Variants in NRXN3 observed in about 807,000 individuals in gnomAD.
NRXN3 encodes neurexin 3, also known as neurexin III.
Under a neutral mutation model 137.6 loss-of-function variants are expected in NRXN3, and 32 were observed. The observed-to-expected ratio is 0.23, with a 90% CI of 0.18 to 0.31. The LOEUF (loss-of-function observed/expected upper bound fraction) is 0.31. Ranked by LOEUF, NRXN3 falls within the 10% of genes least tolerant of loss-of-function variation. The probability of loss-of-function intolerance (pLI) is 1.00; values close to 1 mark genes in which losing one functional copy is unlikely to be tolerated. For synonymous variants in NRXN3, 798 were observed against 784.5 expected, an observed-to-expected ratio of 1.02 and a Z score of -0.29; for missense variants, 1,574 against 2,062.5, an observed-to-expected ratio of 0.76 and a Z score of 4.59.
intron 19 of NRXN3, among the ~76,000 whole-genome samples, chr14:79,755,837 T>C (rs2099017555): frequency 6.6e-6 from 1 of 152,172 alleles, no homozygotes; most frequent in East Asian, 1.9e-4. Context: ...TAAACCTTTT[T>C]TCTAAGCAAA....
chr14:78,526,673 T>C (rs2096384489), intron 4 of NRXN3: 1 of 481,356 alleles, frequency 2.1e-6, no homozygotes. Context: ...TGCTTACTTG[T>C]GCACCGTGCA....
intron 20 of NRXN3, among the ~76,000 whole-genome samples, chr14:79,854,882 C>G (rs1332683711): frequency 6.6e-6 from 1 of 152,136 alleles, no homozygotes; most frequent in Non-Finnish European, 1.5e-5. Context: ...GCTACAAAAT[C>G]AATTATACTG....
intron 10 of NRXN3, among the ~76,000 whole-genome samples, chr14:78,912,001 T>G (rs141262291): frequency 0.014 from 2,057 of 151,818 alleles, 53 homozygotes; most frequent in African/African-American, 0.047. Context: ...ACATGTGCCA[T>G]GTTGGTGTGC....
chr14:78,462,502 C>T (rs2094951655), intron 4 of NRXN3, among the ~76,000 whole-genome samples: 1 of 152,136 alleles, frequency 6.6e-6, no homozygotes, highest in Middle Eastern at 3.2e-3. Flanking sequence ...GAGGAAAGAC[C>T]TTCTCTCTTC....
At chr14:79,446,629 C>T (rs1396650139) in intron 15 of NRXN3, among the ~76,000 whole-genome samples, 1 of 151,962 alleles carries the variant, frequency 6.6e-6, no homozygotes, top group Non-Finnish European at 1.5e-5. Context: ...CCTCCCTGCC[C>T]CCTCCCTGTC....
intron 19 of NRXN3, among the ~76,000 whole-genome samples, chr14:79,780,816 G>A (rs983180025): frequency 2.3e-4 from 35 of 152,030 alleles, no homozygotes; most frequent in South Asian, 4.2e-4. Flanking sequence ...AACTACCATC[G>A]TAGTTACTAG....
intron 19 of NRXN3, among the ~76,000 whole-genome samples, chr14:79,729,982 G>C (rs988238167): frequency 7.2e-5 from 11 of 152,148 alleles, no homozygotes; most frequent in African/African-American, 2.7e-4. Flanking sequence ...TGGGTAGTCA[G>C]AGAAGCACTT....
rs1365361803 is a variant in NRXN3 at position 78,837,152 on chromosome 14, T to G, written c.2275+26808T>G. Among the ~76,000 whole-genome samples the G allele has an allele frequency of 2.0e-5, 3 of 152,212 alleles. No individual in the cohort carries two copies. The East Asian group carries it at 5.8e-4, about 29-fold the overall frequency. On this transcript the variant is annotated intron_variant, in intron 10 of 20. Transcript: ENST00000335750. ...TTGTGAATGCACCTCTATCGAGCCC[T>G]ATTCAGAATGCTTGATTTGCAATAG... is the stretch of plus-strand genomic sequence containing the variant.
intron 20 of NRXN3, among the ~76,000 whole-genome samples, chr14:79,818,000 G>T (rs1245422751): frequency 6.6e-6 from 1 of 151,638 alleles, no homozygotes; most frequent in South Asian, 2.1e-4. Flanking sequence ...ACTTATGTGA[G>T]GTGAGTCTCC....
intron 2 of NRXN3, among the ~76,000 whole-genome samples, chr14:78,264,639 A>T (rs955082489): frequency 6.6e-6 from 1 of 152,130 alleles, no homozygotes; most frequent in East Asian, 1.9e-4. Context: ...TCTTGTGTGG[A>T]TATGTGTGAG....
At chr14:79,006,856 T>G (rs1377757232) in intron 15 of NRXN3, among the ~76,000 whole-genome samples, 1 of 152,166 alleles carries the variant, frequency 6.6e-6, no homozygotes, top group African/African-American at 2.4e-5. Context: ...CTGATGTAGA[T>G]AAAATTCCAT....
chr14:78,828,104 A>G (rs977643451), intron 10 of NRXN3, among the ~76,000 whole-genome samples: 2 of 152,136 alleles, frequency 1.3e-5, no homozygotes, highest in African/African-American at 4.8e-5. Flanking sequence ...CCATAGTTTT[A>G]TGTGATTACA....
chr14:78,569,656 T>C (rs750062213), intron 4 of NRXN3, among the ~76,000 whole-genome samples: 2 of 152,104 alleles, frequency 1.3e-5, no homozygotes, highest in Non-Finnish European at 2.9e-5. Context: ...CTCCACCTTC[T>C]GGGTTCAAGC....
chr14:78,593,147 C>T (rs539040808), intron 4 of NRXN3, among the ~76,000 whole-genome samples: 1 of 152,296 alleles, frequency 6.6e-6, no homozygotes, highest in South Asian at 2.1e-4. Context: ...TCTGTGGAGC[C>T]ATTATTGCTG....
chr14:78,653,992 C>A (rs1247920173), intron 6 of NRXN3, among the ~76,000 whole-genome samples: 2 of 152,228 alleles, frequency 1.3e-5, no homozygotes, highest in African/African-American at 4.8e-5. Flanking sequence ...TAAACTCCTG[C>A]CCCGTCTGTT....
intron 8 of NRXN3, among the ~76,000 whole-genome samples, chr14:78,728,254 T>C (rs2098496503): frequency 6.6e-6 from 1 of 152,240 alleles, no homozygotes. Flanking sequence ...TAACATGTAA[T>C]CGTCCCTTTA....
chr14:79,212,932 G>C (rs2067912212), intron 15 of NRXN3, among the ~76,000 whole-genome samples: 1 of 151,876 alleles, frequency 6.6e-6, no homozygotes, highest in Non-Finnish European at 1.5e-5. Context: ...GAGAGTATTG[G>C]GATAGATTAC....
intron 14 of NRXN3, among the ~76,000 whole-genome samples, chr14:78,978,679 C>CAT (rs2099478706): frequency 6.8e-6 from 1 of 147,852 alleles, no homozygotes; most frequent in Non-Finnish European, 1.5e-5. Context: ...AGAGAGGTAT[C>CAT]ATATATATCA....
At chr14:79,851,709 A>G (rs1277273331) in intron 20 of NRXN3, among the ~76,000 whole-genome samples, 2 of 152,102 alleles carry the variant, frequency 1.3e-5, no homozygotes, top group African/African-American at 4.8e-5. Flanking sequence ...AACGAGATAT[A>G]ATACTGAATA....
Sources: allele counts gnomAD v4.1 joint callset (sites outside exome capture counted in the v4.1 genomes callset), GRCh38; gene constraint gnomAD v4.1.1; transcripts MANE v1.5; gene names NCBI Gene and HGNC (gene_info 2026-07-23, HGNC 2026-07-21).